CSGALNACT1: variants seen among roughly 807,000 people sequenced by gnomAD.
CSGALNACT1 encodes the protein chondroitin sulfate N-acetylgalactosaminyltransferase 1, also known as beta4GalNAcT-1.
Under a neutral mutation model 51.0 loss-of-function variants are expected in CSGALNACT1, and 52 were observed. That is an observed-to-expected ratio of 1.02 (90% CI 0.82 to 1.29). The LOEUF is 1.29. Ranked by LOEUF, CSGALNACT1 falls within the 50% of genes most tolerant of loss-of-function variation. The probability of loss-of-function intolerance (pLI) is 0.00; values close to 1 mark genes in which losing one functional copy is unlikely to be tolerated. For synonymous variants in CSGALNACT1, 341 were observed against 254.4 expected (o/e 1.34, Z -3.24); for missense variants, 935 against 679.2 (o/e 1.38, Z -4.19).
At chr8:19,587,762 G>C (rs1444378976) in intron 3 of CSGALNACT1, 2 of 152,184 alleles carry the variant, frequency 1.3e-5, no homozygotes, top group African/African-American at 4.8e-5. Flanking sequence ...GAATGCCACA[G>C]TTATCAAAGG....
chr8:19,432,100 C>G (rs1274342459), intron 6 of CSGALNACT1, among the ~76,000 whole-genome samples: 1 of 152,084 alleles, frequency 6.6e-6, no homozygotes, highest in Non-Finnish European at 1.5e-5. Flanking sequence ...GTCTAGTGTC[C>G]TTTCATGTCC....
chr8:19,440,691 C>T (rs983316253), intron 5 of CSGALNACT1, among the ~76,000 whole-genome samples: 4 of 151,802 alleles, frequency 2.6e-5, no homozygotes, highest in Non-Finnish European at 5.9e-5. Flanking sequence ...CACTCCTATT[C>T]AACATAGTGT....
chr8:19,509,330 TG>T (rs1404201701), intron 3 of CSGALNACT1, among the ~76,000 whole-genome samples: 6 of 151,962 alleles, frequency 3.9e-5, no homozygotes, highest in Non-Finnish European at 8.8e-5. Flanking sequence ...TTCTTAAAAG[TG>T]GGTGTTGGCC....
chr8:19,670,720 A>G (rs1156720293), intron 1 of CSGALNACT1, among the ~76,000 whole-genome samples: 1 of 151,342 alleles, frequency 6.6e-6, no homozygotes, highest in Non-Finnish European at 1.5e-5. Context: ...TTGCTTGTAG[A>G]AAAAAGATAA....
intron 1 of CSGALNACT1, among the ~76,000 whole-genome samples, chr8:19,678,064 C>T (rs1177417273): frequency 3.3e-5 from 5 of 151,960 alleles, no homozygotes; most frequent in African/African-American, 1.2e-4. Flanking sequence ...CAGAATCGTG[C>T]CACTGCATTC....
rs1426638043 is a variant in CSGALNACT1 at position 19,631,690 on chromosome 8, T to A, written c.-543-29825A>T. 4.6e-5 allele frequency among the ~76,000 whole-genome samples: 7 copies of A among 152,360 alleles called. No homozygotes were observed. In the South Asian group the frequency reaches 1.2e-3, roughly 27 times the overall value. On this transcript the variant is annotated intron_variant, in intron 1 of 9. Transcript: ENST00000332246. Reference sequence around the variant, plus strand: ...AATATGCCAAAATGAACTTTTTTAGTACAGCATGAGGACACCTTAAGTATA... The same window carrying A: ...AATATGCCAAAATGAACTTTTTTAGAACAGCATGAGGACACCTTAAGTATA...
intron 1 of CSGALNACT1, among the ~76,000 whole-genome samples, chr8:19,660,254 G>T (rs994879345): frequency 1.3e-5 from 2 of 152,196 alleles, no homozygotes; most frequent in Non-Finnish European, 2.9e-5. Flanking sequence ...CACCAAAAAA[G>T]ATGAGAGGAT....
At chr8:19,719,705 T>C (rs1017364652) in intron 1 of CSGALNACT1, among the ~76,000 whole-genome samples, 1 of 152,236 alleles carries the variant, frequency 6.6e-6, no homozygotes, top group Non-Finnish European at 1.5e-5. Context: ...TCTGCAAGTG[T>C]CTGTCTGAGT....
chr8:19,481,898 G>T (rs1030056900), intron 4 of CSGALNACT1, among the ~76,000 whole-genome samples: 5 of 152,192 alleles, frequency 3.3e-5, no homozygotes, highest in Non-Finnish European at 5.9e-5. Flanking sequence ...AGCAACTTTT[G>T]AATACTTAGA....
chr8:19,514,395 A>G (rs931592788), intron 3 of CSGALNACT1, among the ~76,000 whole-genome samples: 1 of 148,700 alleles, frequency 6.7e-6, no homozygotes, highest in African/African-American at 2.5e-5. Context: ...TCTTTCCTCA[A>G]TACTCAAGAC....
At chr8:19,429,987 C>T (rs143550939) in intron 6 of CSGALNACT1, among the ~76,000 whole-genome samples, 23 of 152,278 alleles carry the variant, frequency 1.5e-4, no homozygotes, top group East Asian at 7.7e-4. Flanking sequence ...ACCATCTTGT[C>T]CTGCTGTGCT....
intron 1 of CSGALNACT1, among the ~76,000 whole-genome samples, chr8:19,753,033 C>G (rs1219466014): frequency 6.6e-6 from 1 of 152,078 alleles, no homozygotes; most frequent in Non-Finnish European, 1.5e-5. Flanking sequence ...CTAAATTGTC[C>G]CATCCTGCAT....
At chr8:19,554,768 A>C (rs1006295446) in intron 3 of CSGALNACT1, among the ~76,000 whole-genome samples, 5 of 152,032 alleles carry the variant, frequency 3.3e-5, no homozygotes, top group Non-Finnish European at 5.9e-5. Context: ...AAATACAAAA[A>C]TTAGCTGGGT....
intron 1 of CSGALNACT1, chr8:19,678,805 G>A (rs1434005943): frequency 6.6e-6 from 1 of 152,138 alleles, no homozygotes; most frequent in Non-Finnish European, 1.5e-5. Flanking sequence ...TGAGGGAGGA[G>A]GCATCCAAAA....
chr8:19,408,765 G>A, intron 8 of CSGALNACT1, 71 bp from the exon 8 acceptor site: 2 of 1,330,506 alleles, frequency 1.5e-6, no homozygotes, highest in South Asian at 2.4e-5. Flanking sequence ...ACAAACTCCT[G>A]TGAGCCACCG....
At chr8:19,547,548 C>T (rs2086766646) in intron 3 of CSGALNACT1, among the ~76,000 whole-genome samples, 1 of 152,124 alleles carries the variant, frequency 6.6e-6, no homozygotes, top group Non-Finnish European at 1.5e-5. Context: ...TTTGCACTTG[C>T]CTGTCACCAT....
chr8:19,430,496 C>T (rs574117088), intron 6 of CSGALNACT1, among the ~76,000 whole-genome samples: 16 of 152,252 alleles, frequency 1.1e-4, no homozygotes, highest in Admixed American at 7.8e-4. Flanking sequence ...TGATCTGGTA[C>T]CCTTGTTAAA....
intron 4 of CSGALNACT1, among the ~76,000 whole-genome samples, chr8:19,463,652 T>C (rs2066041880): frequency 6.6e-6 from 1 of 152,240 alleles, no homozygotes; most frequent in Admixed American, 6.5e-5. Flanking sequence ...CAGCATCATT[T>C]CGTGCACTAT....
chr8:19,635,907 T>C (rs1470988062), intron 1 of CSGALNACT1, among the ~76,000 whole-genome samples: 2 of 152,082 alleles, frequency 1.3e-5, no homozygotes, highest in African/African-American at 4.8e-5. Flanking sequence ...TTTTTGTAGT[T>C]TTAGTAGAGA....
Sources: allele counts gnomAD v4.1 joint callset (sites outside exome capture counted in the v4.1 genomes callset), GRCh38; gene constraint gnomAD v4.1.1; transcripts MANE v1.5; gene names NCBI Gene and HGNC (gene_info 2026-07-23, HGNC 2026-07-21).